INSL6: variants seen among roughly 807,000 people sequenced by gnomAD.
The protein encoded by INSL6 is insulin like 6.
In INSL6, 16 loss-of-function variants were observed where a neutral mutation model predicts 9.4. The observed-to-expected ratio is 1.70, with a 90% CI of 1.15 to 2.59. The LOEUF (loss-of-function observed/expected upper bound fraction) is 2.59. Among genes scored for constraint, INSL6 ranks in the 30% most tolerant of loss-of-function variants. The pLI, the probability that INSL6 is intolerant of heterozygous loss-of-function variation, is 0.00. For synonymous variants in INSL6, 154 were observed against 96.9 expected (o/e 1.59, Z -3.46); for missense variants, 391 against 257.3 (o/e 1.52, Z -3.56).
the INSL6 span, among the ~76,000 whole-genome samples, chr9:5,036,300 C>A: frequency 6.6e-6 from 1 of 152,186 alleles, no homozygotes; most frequent in Non-Finnish European, 1.5e-5. Flanking sequence ...GGCCATACTG[C>A]CCAAAGTCCT....
chr9:5,099,130 CA>C, the INSL6 span: 1 of 152,214 alleles, frequency 6.6e-6, no homozygotes, highest in Non-Finnish European at 1.5e-5. Flanking sequence ...AGACATCCTG[CA>C]CTCATGAACT....
the INSL6 span, chr9:5,112,901 CCCAGAACGCCCACTT>C: frequency 3.2e-6 from 1 of 313,012 alleles, no homozygotes; most frequent in Non-Finnish European, 5.7e-6. Flanking sequence ...GTGGGCTGGG[CCCAGAACGCCCACTT>C]GAGGCCCTGG....
chr9:5,160,195 AAGTT>A (rs367825144), downstream of INSL6, among the ~76,000 whole-genome samples: 3 of 151,424 alleles, frequency 2.0e-5, no homozygotes, highest in Non-Finnish European at 4.4e-5. Flanking sequence ...AAAAAAAAAA[AAGTT>A]AGGCCACAAA....
intron 1 of INSL6, among the ~76,000 whole-genome samples, chr9:5,175,864 C>A (rs1182135719): frequency 6.6e-6 from 1 of 152,128 alleles, no homozygotes; most frequent in Non-Finnish European, 1.5e-5. Flanking sequence ...ACTGATTCTA[C>A]ATTATGGTAA....
chr9:5,166,749 C>G (rs540224440), intron 1 of INSL6, among the ~76,000 whole-genome samples: 1 of 152,074 alleles, frequency 6.6e-6, no homozygotes, highest in Non-Finnish European at 1.5e-5. Flanking sequence ...TAATAATATA[C>G]AAGTTGTTCC....
At chr9:5,114,224 G>T in the INSL6 span, 3 of 518,774 alleles carry the variant, frequency 5.8e-6, no homozygotes, top group Non-Finnish European at 7.6e-6. Context: ...CCTTCTACCT[G>T]TTCATCCGCA....
chr9:5,075,207 C>A, the INSL6 span, among the ~76,000 whole-genome samples: 992 of 152,230 alleles, frequency 6.5e-3, 6 homozygotes, highest in African/African-American at 0.022. Flanking sequence ...CAAGGTGAAG[C>A]AGCAAATGCT....
At chr9:5,125,909 G>C (rs1427907627) in intron 3 of INSL6, 4 of 151,318 alleles carry the variant, frequency 2.6e-5, no homozygotes, top group Non-Finnish European at 5.9e-5. Flanking sequence ...TTATAATTCA[G>C]ATTTTAATTT....
intron 2 of INSL6, among the ~76,000 whole-genome samples, chr9:5,153,861 T>C (rs371390604): frequency 8.6e-4 from 131 of 152,304 alleles, no homozygotes; most frequent in African/African-American, 3.0e-3. Context: ...TGCTCATGGA[T>C]AGAAAGAATC....
At chr9:5,021,867 A>C in the INSL6 span, 1 of 655,738 alleles carries the variant, frequency 1.5e-6, no homozygotes. Flanking sequence ...TTCTGGGCTC[A>C]AGCTATCTGC....
chr9:5,120,977 A>G (rs2130845841), downstream of INSL6, among the ~76,000 whole-genome samples: 1 of 152,192 alleles, frequency 6.6e-6, no homozygotes, highest in East Asian at 1.9e-4. Flanking sequence ...CAAAGGTCAA[A>G]GATATGGTTA....
At chr9:5,128,013 G>C in intron 3 of INSL6, 1 of 231,508 alleles carries the variant, frequency 4.3e-6, no homozygotes, top group Non-Finnish European at 8.5e-6. Context: ...GGGGTTGTTC[G>C]TTGTTGTCAT....
the INSL6 span, among the ~76,000 whole-genome samples, chr9:5,033,056 C>G: frequency 6.6e-6 from 1 of 152,186 alleles, no homozygotes; most frequent in Non-Finnish European, 1.5e-5. Flanking sequence ...CTTAAAGGAC[C>G]TGATGGAGCT....
At chr9:5,161,160 G>C (rs1447946004), downstream of INSL6, among the ~76,000 whole-genome samples, 1 of 152,126 alleles carries the variant, frequency 6.6e-6, no homozygotes, top group Non-Finnish European at 1.5e-5. Context: ...CATTATCTTT[G>C]ATGAACACTG....
chr9:5,167,562 C>A (rs1825083208), intron 1 of INSL6, among the ~76,000 whole-genome samples: 1 of 152,212 alleles, frequency 6.6e-6, no homozygotes. Flanking sequence ...GCAGGGCCTC[C>A]CTGTGGGAAT....
intron 2 of INSL6, among the ~76,000 whole-genome samples, chr9:5,150,529 A>C (rs981467211): frequency 6.6e-6 from 1 of 152,222 alleles, no homozygotes; most frequent in African/African-American, 2.4e-5. Context: ...ATAAGATGAC[A>C]TCTTACACTA....
chr9:5,176,774 C>T (rs1241004670), intron 1 of INSL6, among the ~76,000 whole-genome samples: 4 of 150,702 alleles, frequency 2.7e-5, no homozygotes, highest in Non-Finnish European at 5.9e-5. Flanking sequence ...CTATCATTTT[C>T]AAGTGATAAA....
chr9:5,139,599 C>T (rs1824450492), intron 2 of INSL6, among the ~76,000 whole-genome samples: 1 of 152,146 alleles, frequency 6.6e-6, no homozygotes, highest in African/African-American at 2.4e-5. Flanking sequence ...ATATCTGCTA[C>T]ATGAAATATA....
chr9:5,127,936 G>A lies in INSL6; in HGVS notation c.*11-3425C>T, dbSNP rs113064951. ...TTAATTTTATTCAAGAATGCCAGTA[G>A]AAAATTCATAACGTGTATCTTTAAG... On this transcript the variant is annotated intron_variant, in intron 3 of 3. Coordinates refer to the INSL6 transcript ENST00000649639. The A allele has an allele frequency of 1.8e-4, 41 of 232,346 alleles. No individual in the cohort carries two copies. The Middle Eastern group carries it at 3.8e-3, about 22-fold the overall frequency. 14.4% of individuals were successfully genotyped at this position (232,346 alleles called of 1,614,324 possible).
Sources: gnomAD v4.1 joint callset for allele counts (sites outside exome capture counted in the v4.1 genomes callset) on GRCh38, gnomAD v4.1.1 for gene constraint, MANE v1.5 for transcripts, NCBI Gene and HGNC (gene_info 2026-07-23, HGNC 2026-07-21) for gene names.